Variants in ATP8A2 observed in about 807,000 individuals in gnomAD.
ATP8A2 encodes the protein ATPase phospholipid transporting 8A2.
ATP8A2 carries 100 observed loss-of-function variants against 165.6 expected under a neutral mutation model. The observed-to-expected ratio is 0.60, with a 90% CI of 0.51 to 0.71. The LOEUF (loss-of-function observed/expected upper bound fraction) is 0.71. Among genes scored for constraint, ATP8A2 ranks in the 30% least tolerant of loss-of-function variants. The pLI is 0.00. For missense variants in ATP8A2, 1,227 were observed against 1,479.5 expected, an observed-to-expected ratio of 0.83 and a Z score of 2.80; for synonymous variants, 543 against 548.8, an observed-to-expected ratio of 0.99 and a Z score of 0.15.
intron 33 of ATP8A2, among the ~76,000 whole-genome samples, chr13:25,909,590 A>C (rs962979144): frequency 1.3e-5 from 2 of 152,222 alleles, no homozygotes; most frequent in Non-Finnish European, 2.9e-5. Context: ...TACTTCCTTG[A>C]AAAGGAAATC....
chr13:25,888,698 A>G lies in ATP8A2; in HGVS notation c.3183+26290A>G, dbSNP rs1403247468. On this transcript the variant is annotated intron_variant, in intron 33 of 36. Transcript: ENST00000381655. ...AACATGGAGAAACCCCATCTCTACT[A>G]AAAATTCAAAATTAGCCAAGCATGG... 2.6e-5 allele frequency among the ~76,000 whole-genome samples: 4 copies of G among 152,346 alleles called. No homozygotes were observed. In the East Asian group the frequency reaches 7.7e-4, roughly 29 times the overall value.
intron 30 of ATP8A2, among the ~76,000 whole-genome samples, chr13:25,848,962 G>A (rs1242233747): frequency 1.3e-5 from 2 of 151,930 alleles, no homozygotes; most frequent in African/African-American, 2.4e-5. Context: ...GTTGGGATGG[G>A]GTGCGCTTCC....
chr13:25,431,580 T>C (rs772394633), intron 1 of ATP8A2, among the ~76,000 whole-genome samples: 2 of 152,228 alleles, frequency 1.3e-5, no homozygotes, highest in Non-Finnish European at 2.9e-5. Context: ...CAATTTGAGA[T>C]TATCCAATTC....
intron 24 of ATP8A2, among the ~76,000 whole-genome samples, chr13:25,602,394 G>A (rs752700699): frequency 1.3e-4 from 20 of 152,122 alleles, no homozygotes; most frequent in Non-Finnish European, 2.2e-4. Flanking sequence ...CCGACTTGCT[G>A]GGAGGGAACC....
At chr13:25,813,455 T>C (rs772122710) in intron 27 of ATP8A2, among the ~76,000 whole-genome samples, 1 of 118,606 alleles carries the variant, frequency 8.4e-6, no homozygotes, top group East Asian at 2.6e-4. Context: ...GATATGATGA[T>C]GTGATATAAT....
At chr13:25,543,198 A>G in intron 9 of ATP8A2, 93 bp from the exon 10 acceptor site, 1 of 728,146 alleles carries the variant, frequency 1.4e-6, no homozygotes, top group Non-Finnish European at 2.3e-6. Flanking sequence ...AGGAAAGGGA[A>G]CATTTGATTT....
chr13:25,994,276 A>G (rs956137441), intron 35 of ATP8A2, among the ~76,000 whole-genome samples: 12 of 151,996 alleles, frequency 7.9e-5, no homozygotes, highest in Non-Finnish European at 5.9e-5. Context: ...GTGTGCATAT[A>G]TATGTATTTC....
intron 23 of ATP8A2, among the ~76,000 whole-genome samples, chr13:25,585,270 G>A (rs1378345106): frequency 6.6e-6 from 1 of 152,100 alleles, no homozygotes; most frequent in African/African-American, 2.4e-5. Flanking sequence ...GGCATCAGCT[G>A]GTCTAAAGTG....
intron 25 of ATP8A2, among the ~76,000 whole-genome samples, chr13:25,747,187 A>G (rs2044051398): frequency 6.6e-6 from 1 of 152,250 alleles, no homozygotes; most frequent in African/African-American, 2.4e-5. Context: ...GTAGAAACTT[A>G]GGTCTACCTT....
At chr13:25,769,295 G>A (rs866029820) in intron 26 of ATP8A2, 66 bp downstream of exon 26, 4 of 1,505,384 alleles carry the variant, frequency 2.7e-6, no homozygotes, top group East Asian at 4.6e-5. Context: ...TGAGGACCTG[G>A]CGTTTAACCT....
chr13:25,799,806 T>A (rs2138448058), intron 27 of ATP8A2, among the ~76,000 whole-genome samples: 1 of 152,338 alleles, frequency 6.6e-6, no homozygotes, highest in Non-Finnish European at 1.5e-5. Context: ...CAGGGGGATG[T>A]GATTGAGCAA....
At chr13:26,003,048 G>A (rs1475435110) in intron 35 of ATP8A2, among the ~76,000 whole-genome samples, 1 of 152,066 alleles carries the variant, frequency 6.6e-6, no homozygotes, top group Non-Finnish European at 1.5e-5. Context: ...ATACCCAGAA[G>A]TGAGATTGCT....
At chr13:25,903,524 G>A (rs887714469) in intron 33 of ATP8A2, among the ~76,000 whole-genome samples, 1 of 152,150 alleles carries the variant, frequency 6.6e-6, no homozygotes, top group Non-Finnish European at 1.5e-5. Context: ...AACTTGCCGT[G>A]GCTTCTGGCC....
intron 36 of ATP8A2, among the ~76,000 whole-genome samples, chr13:26,018,913 G>A (rs1318364493): frequency 6.6e-6 from 1 of 152,180 alleles, no homozygotes; most frequent in African/African-American, 2.4e-5. Context: ...TTAGACACAT[G>A]GCATTTAATG....
intron 24 of ATP8A2, among the ~76,000 whole-genome samples, chr13:25,638,725 G>A (rs1004287306): frequency 6.6e-6 from 1 of 152,086 alleles, no homozygotes; most frequent in South Asian, 2.1e-4. Flanking sequence ...AGCAAGGCAG[G>A]CCAACATTCA....
chr13:25,826,725 C>G (rs910478881), intron 27 of ATP8A2, among the ~76,000 whole-genome samples: 8 of 152,306 alleles, frequency 5.3e-5, no homozygotes, highest in African/African-American at 1.7e-4. Context: ...AAAGTCTGCC[C>G]TCAATCAGAC....
intron 34 of ATP8A2, among the ~76,000 whole-genome samples, chr13:25,964,300 C>A (rs1309137376): frequency 6.6e-6 from 1 of 152,178 alleles, no homozygotes. Context: ...TTTGTAATAT[C>A]TATTTAATAT....
chr13:25,588,710 T>C (rs1282333075), intron 23 of ATP8A2, among the ~76,000 whole-genome samples: 1 of 152,242 alleles, frequency 6.6e-6, no homozygotes, highest in Admixed American at 6.5e-5. Flanking sequence ...AGGATTTTTT[T>C]CTTGCCTTTT....
Position 25,386,816 on chromosome 13 carries a change from T to C in ATP8A2, c.76+14528T>C, listed in dbSNP as rs185637588. Among the ~76,000 whole-genome samples the C allele has an allele frequency of 1.8e-4, 27 of 152,080 alleles. 1 individual carries two copies. In the East Asian group the frequency reaches 2.1e-3, roughly 12 times the overall value. On this transcript the variant is annotated intron_variant, in intron 1 of 36. Coordinates refer to ENST00000381655, the MANE Select transcript of ATP8A2 (RefSeq NM_016529.6). ...ATCGAGACCAATCTGGCTAACACGGTGAAACCCCGTCTCTACTAAAAATAC... is the reference window on the plus strand; with the variant it reads ...ATCGAGACCAATCTGGCTAACACGGCGAAACCCCGTCTCTACTAAAAATAC...
Sources: allele counts gnomAD v4.1 joint callset (sites outside exome capture counted in the v4.1 genomes callset), GRCh38; gene constraint gnomAD v4.1.1; transcripts MANE v1.5; gene names NCBI Gene and HGNC (gene_info 2026-07-23, HGNC 2026-07-21).